The following MVD variants were observed in gnomAD, a reference collection of about 807,000 sequenced individuals.
MVD encodes the protein diphosphomevalonate decarboxylase.
In MVD, 52 loss-of-function variants were observed where a neutral mutation model predicts 42.4. The observed-to-expected ratio is 1.23, with a 90% confidence interval of 0.98 to 1.55. The LOEUF (loss-of-function observed/expected upper bound fraction) is 1.55, where lower values mean the gene tolerates loss of function less well. Ranked by LOEUF, MVD falls within the 40% of genes most tolerant of loss-of-function variation. MVD has a pLI of 0.00. For synonymous variants in MVD, 287 were observed against 243.2 expected (o/e 1.18, Z -1.68); for missense variants, 663 against 572.1 (o/e 1.16, Z -1.62).
At chr16:88,657,714 C>A in intron 3 of MVD, 132 bp from the exon 4 acceptor site, 1 of 1,392,000 alleles carries the variant, frequency 7.2e-7, no homozygotes, top group South Asian at 1.4e-5. Flanking sequence ...AGTTTCTTAC[C>A]CGGGAAAACC....
At chr16:88,656,372 C>T (rs1489824190) in intron 4 of MVD, 68 bp from the exon 5 acceptor site, 2 of 1,537,600 alleles carry the variant, frequency 1.3e-6, no homozygotes, top group Non-Finnish European at 1.8e-6. Flanking sequence ...CAGCTCACCG[C>T]CCCAGGAACG....
chr16:88,659,896 G>A (rs1320717185), intron 1 of MVD, among the ~76,000 whole-genome samples: 2 of 151,696 alleles, frequency 1.3e-5, no homozygotes, highest in Non-Finnish European at 2.9e-5. Context: ...GAACCTGGGA[G>A]GCGGAGGTTG....
chr16:88,655,175 C>T, intron 7 of MVD, 24 bp downstream of exon 7: 1 of 1,549,992 alleles, frequency 6.5e-7, no homozygotes, highest in Non-Finnish European at 8.7e-7. Flanking sequence ...CGAGCGCAGC[C>T]TCTGCCCTCC....
chr16:88,659,484 G>A (rs1205381013), intron 1 of MVD, among the ~76,000 whole-genome samples: 1 of 152,210 alleles, frequency 6.6e-6, no homozygotes, highest in East Asian at 1.9e-4. Context: ...CTCCCACTGG[G>A]GACAACTGAG....
At chr16:88,661,513 C>A (rs1051100396) in intron 1 of MVD, among the ~76,000 whole-genome samples, 5 of 151,972 alleles carry the variant, frequency 3.3e-5, no homozygotes, top group Non-Finnish European at 7.4e-5. Flanking sequence ...CTTGAGCCAG[C>A]GTGCCCAGCC....
intron 3 of MVD, 104 bp from the exon 4 acceptor site, chr16:88,657,686 G>C (rs1337830285): frequency 3.3e-6 from 5 of 1,494,912 alleles, no homozygotes; most frequent in Non-Finnish European, 3.6e-6. Flanking sequence ...GCCTCTGCCT[G>C]CCAGACTCCT....
chr16:88,653,191 C>G (rs1260059583), intron 9 of MVD, 109 bp downstream of exon 9: 2 of 811,562 alleles, frequency 2.5e-6, no homozygotes, highest in African/African-American at 3.6e-5. Flanking sequence ...CTGCCTGAGA[C>G]ACGGTAGGGA....
chr16:88,655,886 G>A lies in MVD; in HGVS notation c.604-156C>T, dbSNP rs183432375. On this transcript the variant is annotated intron_variant, in intron 5 of 9. Transcript: ENST00000301012. ...CACAGAGGCCTCCCGGCCACAGCAG[G>A]GGTGACGCAGGGGCAACTTCCAGAT... The A allele has an allele frequency of 8.9e-4, 989 of 1,105,282 alleles. 11 individuals are homozygous for A. The African/African-American group carries it at 0.014, about 16-fold the overall frequency. The allele number at this position is 1,105,282 out of a possible 1,614,324, so 68.5% of individuals were successfully genotyped here.
chr16:88,655,921 T>C (rs900610558), intron 5 of MVD, 184 bp downstream of exon 5: 3 of 1,092,588 alleles, frequency 2.7e-6, no homozygotes, highest in South Asian at 3.2e-5. Flanking sequence ...TCCCAGCGGG[T>C]GGTGGCGCCC....
intron 7 of MVD, 119 bp downstream of exon 7, chr16:88,655,080 G>T: frequency 8.1e-7 from 1 of 1,238,508 alleles, no homozygotes; most frequent in Non-Finnish European, 1.1e-6. Context: ...ACACAGCAGG[G>T]TGGAGCTTTC....
Position 88,657,500 on chromosome 16 carries a change from T to A in MVD, c.339A>T (p.Ala113=), listed in dbSNP as rs755118219. The change falls in exon 4 of 10, where the codon GCA becomes GCT. Residue 113 remains alanine (A), a synonymous_variant. Coordinates refer to ENST00000301012, the MANE Select transcript of MVD (RefSeq NM_002461.3). ...CAGCCGTGGGGAAGTTGTTCACCGA[T>A]GCCACGTGCACCTTGCAGCTGAGGC... ...PSSLSCKVHV[A]SVNNFPTAAG... The A allele has an allele frequency of 6.2e-7, 1 of 1,612,656 alleles. No homozygotes were observed. Among genetic ancestry groups the A allele is most frequent in the Admixed American group, 1.7e-5 (1 of 59,992 alleles).
intron 8 of MVD, 121 bp from the exon 9 acceptor site, chr16:88,653,529 G>GGA (rs1446883206): frequency 1.3e-6 from 1 of 789,472 alleles, no homozygotes; most frequent in East Asian, 3.0e-5. Context: ...TCAGGGAGGG[G>GGA]GAGACGGCAG....
intron 4 of MVD, 72 bp downstream of exon 4, chr16:88,657,364 G>A (rs1004709535): frequency 6.5e-7 from 1 of 1,526,782 alleles, no homozygotes; most frequent in African/African-American, 1.4e-5. Flanking sequence ...TGGGCTCCCT[G>A]ACCCGGGAAG....
At chr16:88,662,812 G>A (rs2142918405) in intron 1 of MVD, 199 bp downstream of exon 1, 1 of 1,468,400 alleles carries the variant, frequency 6.8e-7, no homozygotes, top group African/African-American at 1.5e-5. Context: ...GCGGGGGAAC[G>A]GGTGGCGCCG....
At position 88,653,334 on chromosome 16, in the gene MVD, G is replaced by A. The variant is rs755497640; in HGVS notation, c.1088C>T (p.Thr363Ile). 1.2e-6 allele frequency: 2 copies of A among 1,600,944 alleles called. No homozygotes were observed. The highest frequency in any genetic ancestry group is 1.8e-5 in the Admixed American group (1 of 55,510). ...AATGATGTATTTGACCCCACCGGGGGTCGGCTCCATGGCCAGCGCAGCCTG... is the reference window on the plus strand; with the variant it reads ...AATGATGTATTTGACCCCACCGGGGATCGGCTCCATGGCCAGCGCAGCCTG... ...ELQAALAMEP[T>I]PGGVKYIIVT... is the part of the protein sequence containing the mutation. Residue 363 changes from threonine (T) to isoleucine (I), a missense_variant, in exon 9 of 10, where the codon ACC becomes ATC. Coordinates refer to ENST00000301012, the MANE Select transcript of MVD (RefSeq NM_002461.3).
At chr16:88,653,534 C>A in intron 8 of MVD, 126 bp from the exon 9 acceptor site, 2 of 744,752 alleles carry the variant, frequency 2.7e-6, no homozygotes, top group Non-Finnish European at 4.2e-6. Flanking sequence ...GAGGGGGAGA[C>A]GGCAGGTGGC....
rs1908033122 is a variant in MVD, at chr16:88,657,832, G to A, written c.256+83C>T. The A allele has an allele frequency of 2.1e-6, 3 of 1,426,624 alleles. No individual in the cohort carries two copies. In the South Asian group the frequency reaches 3.5e-5, roughly 17 times the overall value. The allele number at this position is 1,426,624 out of a possible 1,614,324, so 88.4% of individuals were successfully genotyped here. On this transcript the variant is annotated intron_variant, in intron 3 of 9. Transcript: ENST00000301012. The stretch of plus-strand genomic sequence containing the variant: ...GCCACCCCGCCTGCTGCCTCAGGAG[G>A]GGCACAGAGGCAGAAGCACTTTCTG...
At chr16:88,653,180 C>A in intron 9 of MVD, 120 bp downstream of exon 9, 1 of 751,690 alleles carries the variant, frequency 1.3e-6, no homozygotes, top group South Asian at 1.7e-5. Flanking sequence ...GTTCTGGCTT[C>A]CTGCCTGAGA....
In MVD at chr16:88,657,598, GAC is replaced by G; in HGVS notation, c.257-18_257-17del. 5.0e-6 allele frequency: 8 copies of G among 1,609,190 alleles called. No individual in the cohort carries two copies. The highest frequency in any genetic ancestry group is 5.9e-6 in the Non-Finnish European group (7 of 1,177,106). ...AGGCAGCGGACTGCAGAGACAATGA[GAC>G]AGCGTGTGGCCCAGCCGTCAGCACC... On this transcript the variant is annotated splice_polypyrimidine_tract_variant and intron_variant, in intron 3 of 9. Coordinates refer to ENST00000301012, the MANE Select transcript of MVD (RefSeq NM_002461.3).
Sources: allele counts gnomAD v4.1 joint callset (sites outside exome capture counted in the v4.1 genomes callset), GRCh38; gene constraint gnomAD v4.1.1; transcripts MANE v1.5; gene names NCBI Gene and HGNC (gene_info 2026-07-23, HGNC 2026-07-21).